The following FGD3 variants were observed in gnomAD, a reference collection of about 807,000 sequenced individuals.
The protein encoded by FGD3 is FYVE, RhoGEF and PH domain-containing protein 3.
FGD3 carries 45 observed loss-of-function variants against 71.8 expected under a neutral mutation model. That is an observed-to-expected ratio of 0.63 (90% CI 0.49 to 0.80). The LOEUF is 0.80. Ranked by LOEUF, FGD3 falls within the 30% of genes least tolerant of loss-of-function variation. FGD3 has a pLI of 0.00. For synonymous variants in FGD3, 378 were observed against 392.8 expected, an observed-to-expected ratio of 0.96 and a Z score of 0.44; for missense variants, 844 against 951.5, an observed-to-expected ratio of 0.89 and a Z score of 1.49.
intron 3 of FGD3, among the ~76,000 whole-genome samples, chr9:92,990,523 T>C (rs1188744075): frequency 6.6e-6 from 1 of 152,218 alleles, no homozygotes; most frequent in Non-Finnish European, 1.5e-5. Context: ...AGCTTTCAGC[T>C]TTTCTGCATT....
At chr9:93,009,945 C>T (rs938833552) in intron 6 of FGD3, among the ~76,000 whole-genome samples, 4 of 152,138 alleles carry the variant, frequency 2.6e-5, no homozygotes, top group African/African-American at 7.2e-5. Flanking sequence ...CCACTCTTGA[C>T]AGGAGGAGAC....
intron 3 of FGD3, among the ~76,000 whole-genome samples, chr9:92,996,299 G>A (rs551420549): frequency 6.6e-6 from 1 of 152,152 alleles, no homozygotes; most frequent in Non-Finnish European, 1.5e-5. Flanking sequence ...ATGGTAGTTT[G>A]TATTTCTGTG....
chr9:93,023,055 T>C lies in FGD3; in HGVS notation c.1557+666T>C, dbSNP rs540709087. 1.4e-4 allele frequency among the ~76,000 whole-genome samples: 21 copies of C among 152,290 alleles called. No individual in the cohort carries two copies. The East Asian group carries it at 4.0e-3, about 29-fold the overall frequency. ...AGAGCATCTGTACCTGGAGCCATCA[T>C]CATTGGTGCCCAGGCCTGGCACTCA... On this transcript the variant is annotated intron_variant, in intron 14 of 17. Transcript: ENST00000375482.
chr9:92,994,428 T>G (rs1331301649), intron 3 of FGD3, among the ~76,000 whole-genome samples: 2 of 151,706 alleles, frequency 1.3e-5, no homozygotes, highest in Admixed American at 6.6e-5. Flanking sequence ...GCCTGTTCAC[T>G]CTGATGGTAG....
chr9:92,971,527 C>T (rs555073537), intron 1 of FGD3, among the ~76,000 whole-genome samples: 105 of 141,306 alleles, frequency 7.4e-4, no homozygotes, highest in African/African-American at 2.7e-3. Context: ...AGTTCAAAGG[C>T]GATAAGGGTG....
chr9:92,981,524 A>G (rs1052648616), intron 3 of FGD3, among the ~76,000 whole-genome samples: 5 of 152,138 alleles, frequency 3.3e-5, no homozygotes, highest in Admixed American at 1.3e-4. Context: ...GTTTTTGGGC[A>G]GCGTGTTCTG....
chr9:92,963,449 G>A (rs1031267785), intron 1 of FGD3, among the ~76,000 whole-genome samples: 3 of 152,078 alleles, frequency 2.0e-5, no homozygotes, highest in Non-Finnish European at 4.4e-5. Context: ...ACAAGCATGC[G>A]TCACAATGCC....
At chr9:92,952,783 T>A (rs182349103) in intron 1 of FGD3, among the ~76,000 whole-genome samples, 18 of 152,168 alleles carry the variant, frequency 1.2e-4, no homozygotes, top group African/African-American at 4.3e-4. Context: ...CCCTTTTTTC[T>A]TCTTTAGAAT....
Position 92,969,788 on chromosome 9 carries a change from T to C in FGD3, c.-217-5450T>C, listed in dbSNP as rs922652403. On this transcript the variant is annotated intron_variant, in intron 1 of 17. Transcript: ENST00000375482. This position sits in a 1 kb window ranked among gnomAD's most constrained non-coding sequence, Gnocchi z 4.5. ...CTGCCTATCTGGGGGACCGCTGCAC[T>C]GTGGAGGGACACGGGGCGGGGGCCA... Among the ~76,000 whole-genome samples the C allele has an allele frequency of 6.6e-6, 1 of 152,190 alleles. No individual in the cohort carries two copies. Among genetic ancestry groups the C allele is most frequent in the African/African-American group, 2.4e-5 (1 of 41,450 alleles).
rs902713120 is a variant in FGD3, at chr9:93,003,689, G to A, written c.544-312G>A. Reference sequence around the variant, plus strand: ...AGTGCTGCTGCTGTTTTTATCTCACGAGAAAGAAAAGGAAGTCTGAACCTT... The same window carrying A: ...AGTGCTGCTGCTGTTTTTATCTCACAAGAAAGAAAAGGAAGTCTGAACCTT... On this transcript the variant is annotated intron_variant, in intron 4 of 17. Coordinates refer to ENST00000375482, the MANE Select transcript of FGD3 (RefSeq NM_001083536.2). The surrounding 1 kb of genome is among the most constrained non-coding windows in gnomAD (Gnocchi z 4.1). Among the ~76,000 whole-genome samples, 2 of 152,152 alleles carry A rather than the reference G, an allele frequency of 1.3e-5. No individual in the cohort carries two copies. Among genetic ancestry groups the A allele is most frequent in the Admixed American group, 1.3e-4 (2 of 15,278 alleles).
At chr9:93,033,187 C>T (rs1587876531) in intron 16 of FGD3, 1 of 427,874 alleles carries the variant, frequency 2.3e-6, no homozygotes, top group African/African-American at 2.0e-5. Flanking sequence ...AAGTCCAGGC[C>T]TTGAGGCCCA....
At chr9:93,020,510 G>A (rs1324636644) in intron 13 of FGD3, 86 bp downstream of exon 13, 1 of 1,134,162 alleles carries the variant, frequency 8.8e-7, no homozygotes. Flanking sequence ...TGGGTGGGCA[G>A]CTTGACCTCC....
At chr9:92,986,265 C>G (rs1860183211) in intron 3 of FGD3, among the ~76,000 whole-genome samples, 1 of 152,210 alleles carries the variant, frequency 6.6e-6, no homozygotes, top group South Asian at 2.1e-4. Context: ...TCGGAGCATT[C>G]TGAGCAACAA....
intron 1 of FGD3, among the ~76,000 whole-genome samples, chr9:92,967,796 A>G (rs1272784062): frequency 6.6e-6 from 1 of 152,012 alleles, no homozygotes; most frequent in African/African-American, 2.4e-5. Context: ...GCTGGTCTCA[A>G]TCTCTTGACC....
chr9:93,010,325 T>C lies in FGD3; in HGVS notation c.917T>C (p.Leu306Pro), dbSNP rs1861262608. 1.2e-6 allele frequency: 2 copies of C among 1,613,656 alleles called. No homozygotes were observed. The highest frequency in any genetic ancestry group is 1.1e-5 in the South Asian group (1 of 91,048). The change falls in exon 7 of 18, where the codon CTG becomes CCG. Residue 306 changes from leucine to proline, a missense_variant. Leu to Pro is a moderately conservative substitution (Grantham distance 98). Coordinates refer to ENST00000375482, the MANE Select transcript of FGD3 (RefSeq NM_001083536.2). Reference protein sequence around the residue: ...PVQRVPRYELLLKDYLKRLPQ... With the variant: ...PVQRVPRYELPLKDYLKRLPQ... ...CAGAGGGTCCCCCGGTACGAGCTGCTGCTCAAGGACTATCTGAAGAGGCTC... is the reference window on the plus strand; with the variant it reads ...CAGAGGGTCCCCCGGTACGAGCTGCCGCTCAAGGACTATCTGAAGAGGCTC...
chr9:93,011,362 C>T (rs1189252955), intron 8 of FGD3, 90 bp downstream of exon 8: 3 of 1,492,162 alleles, frequency 2.0e-6, no homozygotes, highest in Admixed American at 3.4e-5. Flanking sequence ...TTGCCGCTAT[C>T]CTTTGGGGGG....
At chr9:93,018,296 T>A in intron 11 of FGD3, 81 bp downstream of exon 11, 1 of 1,305,558 alleles carries the variant, frequency 7.7e-7, no homozygotes, top group Non-Finnish European at 1.1e-6. Flanking sequence ...TAATATATTT[T>A]TATTTATGCA....
At chr9:93,002,846 G>A (rs941188509) in intron 3 of FGD3, 79 bp from the exon 4 acceptor site, 18 of 1,440,056 alleles carry the variant, frequency 1.2e-5, no homozygotes, top group Non-Finnish European at 1.7e-5. Context: ...TGGTTCTCCT[G>A]CACACAGTGG....
intron 3 of FGD3, among the ~76,000 whole-genome samples, chr9:92,995,882 T>G (rs1015504960): frequency 1.3e-5 from 2 of 152,196 alleles, no homozygotes; most frequent in Admixed American, 1.3e-4. Context: ...TTTGCCAGTA[T>G]TTTATTGAGG....
Sources: gnomAD v4.1 joint callset for allele counts (sites outside exome capture counted in the v4.1 genomes callset) on GRCh38, gnomAD v4.1.1 for gene constraint, Gnocchi (gnomAD v3.1) non-coding constraint, MANE v1.5 for transcripts, NCBI Gene and HGNC (gene_info 2026-07-23, HGNC 2026-07-21) for gene names.